Variants in VAC14 observed in about 807,000 individuals in gnomAD.
The protein encoded by VAC14 is protein VAC14 homolog.
VAC14 carries 47 observed loss-of-function variants against 85.3 expected under a neutral mutation model. The ratio of observed to expected loss-of-function variants is 0.55; its 90% CI spans 0.44 to 0.70. The LOEUF (loss-of-function observed/expected upper bound fraction) is 0.70. VAC14 is among the 30% of genes least tolerant of loss of function. The probability of loss-of-function intolerance (pLI) is 0.00; values close to 1 mark genes in which losing one functional copy is unlikely to be tolerated. For synonymous variants in VAC14, 447 were observed against 430.5 expected, an observed-to-expected ratio of 1.04 and a Z score of -0.47; for missense variants, 861 against 1,004.3, an observed-to-expected ratio of 0.86 and a Z score of 1.93.
chr16:70,714,685 C>T (rs924671069), intron 14 of VAC14: 13 of 152,270 alleles, frequency 8.5e-5, no homozygotes, highest in African/African-American at 2.9e-4. Context: ...GCAGGGATGT[C>T]TGCGGTGTCG....
chr16:70,706,328 GTC>G (rs926280245), intron 14 of VAC14, among the ~76,000 whole-genome samples: 12 of 152,332 alleles, frequency 7.9e-5, no homozygotes, highest in Admixed American at 7.8e-4. Context: ...GACTCCACCG[GTC>G]TCTCTGCAAG....
intron 1 of VAC14, among the ~76,000 whole-genome samples, chr16:70,787,613 G>T (rs923872705): frequency 2.0e-5 from 3 of 152,234 alleles, no homozygotes; most frequent in African/African-American, 7.2e-5. Flanking sequence ...TGTGGTGGCA[G>T]GAGTGCCCCA....
rs535975119 is a variant in VAC14 at position 70,690,247 on chromosome 16, C to T, written c.2187-2157G>A. 8.3e-5 allele frequency: 82 copies of T among 985,402 alleles called. No homozygotes were observed. The East Asian group carries it at 9.1e-4, about 11-fold the overall frequency. The allele number at this position is 985,402 out of a possible 1,614,324, so 61.0% of individuals were successfully genotyped here. On this transcript the variant is annotated intron_variant, in intron 18 of 18. Coordinates refer to ENST00000261776, the MANE Select transcript of VAC14 (RefSeq NM_018052.5). ...CTGGCCTGAGATCTTGGGAGCAGGG[C>T]GGGCTGTGTCACCGGGGGTGGGTGA...
At chr16:70,713,399 T>C (rs138757796) in intron 14 of VAC14, among the ~76,000 whole-genome samples, 46 of 152,368 alleles carry the variant, frequency 3.0e-4, no homozygotes, top group African/African-American at 1.1e-3. Context: ...ACCACCATTC[T>C]GGGTGCTGTT....
chr16:70,763,469 A>C (rs566738505), intron 10 of VAC14, among the ~76,000 whole-genome samples: 175 of 152,312 alleles, frequency 1.1e-3, no homozygotes, highest in Non-Finnish European at 2.0e-3. Flanking sequence ...CAAAACCACC[A>C]GGTCTGGACT....
chr16:70,743,903 C>G (rs2030607448), intron 13 of VAC14, among the ~76,000 whole-genome samples: 1 of 152,158 alleles, frequency 6.6e-6, no homozygotes, highest in African/African-American at 2.4e-5. Flanking sequence ...CTGGAAGGGA[C>G]CGAGGGGCGA....
At chr16:70,753,949 C>T (rs953826753) in intron 12 of VAC14, among the ~76,000 whole-genome samples, 5 of 152,156 alleles carry the variant, frequency 3.3e-5, no homozygotes, top group Middle Eastern at 3.2e-3. Flanking sequence ...GAGGCCCTGC[C>T]GCTGGGAGAG....
chr16:70,693,139 C>A (rs1468024111), intron 17 of VAC14, among the ~76,000 whole-genome samples, 168 bp from the exon 18 acceptor site: 3 of 152,220 alleles, frequency 2.0e-5, no homozygotes, highest in Admixed American at 6.5e-5. Flanking sequence ...TGGCTTCCAG[C>A]GAGTCAGGGG....
At chr16:70,761,180 TGCAGGACAGCTGCCCG>T in intron 12 of VAC14, 1 of 456,040 alleles carries the variant, frequency 2.2e-6, no homozygotes, top group South Asian at 1.6e-5. Flanking sequence ...AAATTCAGGC[TGCAGGACAGCTGCCCG>T]GGCCCCCCAC....
chr16:70,772,338 G>T, intron 9 of VAC14, 166 bp from the exon 10 acceptor site: 1 of 596,692 alleles, frequency 1.7e-6, no homozygotes, highest in Non-Finnish European at 3.0e-6. Flanking sequence ...CCAACGCCCA[G>T]TCATTCTCGA....
chr16:70,712,020 T>G (rs2054045290), intron 14 of VAC14, among the ~76,000 whole-genome samples: 1 of 152,006 alleles, frequency 6.6e-6, no homozygotes, highest in African/African-American at 2.4e-5. Flanking sequence ...GGGAGGGGGC[T>G]CCTTCAGTTA....
chr16:70,781,085 T>A, intron 8 of VAC14, 146 bp from the exon 9 acceptor site: 1 of 1,112,838 alleles, frequency 9.0e-7, no homozygotes, highest in Non-Finnish European at 1.3e-6. Context: ...AATGGCTTGG[T>A]GCCCTCCCCA....
At position 70,762,766 on chromosome 16, in the gene VAC14, C is replaced by T. The variant is rs1361160496; in HGVS notation, c.1305+115G>A. ...CTCGCAGCACCTGTCACTTCTCTGC[C>T]GGCCAGGGTTTCCCTAGAAGGGCAA... On this transcript the variant is annotated intron_variant, in intron 11 of 18. Transcript: ENST00000261776. This position sits in a 1 kb window ranked among gnomAD's most constrained non-coding sequence, Gnocchi z 4.1. 1.5e-5 allele frequency: 23 copies of T among 1,543,000 alleles called. No individual in the cohort carries two copies. Among genetic ancestry groups the T allele is most frequent in the East Asian group, 2.3e-5 (1 of 43,272 alleles).
intron 12 of VAC14, among the ~76,000 whole-genome samples, chr16:70,745,283 G>C (rs945376572): frequency 9.9e-5 from 15 of 152,174 alleles, no homozygotes; most frequent in Non-Finnish European, 2.1e-4. Flanking sequence ...TGCTGAGTGT[G>C]AGCGCAGGTC....
At chr16:70,789,342 T>TCCTGCCTTCTC (rs748065468) in intron 1 of VAC14, among the ~76,000 whole-genome samples, 8 of 152,338 alleles carry the variant, frequency 5.3e-5, no homozygotes, top group Middle Eastern at 3.4e-3. Flanking sequence ...CCCTCCTGCT[T>TCCTGCCTTCTC]CCTGCCTTCT....
chr16:70,718,140 T>C (rs1196888046), intron 14 of VAC14, among the ~76,000 whole-genome samples: 5 of 152,234 alleles, frequency 3.3e-5, no homozygotes, highest in Non-Finnish European at 5.9e-5. Flanking sequence ...AGTTATCTAC[T>C]AGTTGCTTCT....
chr16:70,691,547 C>T (rs994829979), intron 18 of VAC14: 2 of 985,368 alleles, frequency 2.0e-6, no homozygotes, highest in African/African-American at 1.7e-5. Context: ...TGACCCTGCT[C>T]CCCTGGGGAC....
Position 70,783,392 on chromosome 16 carries a change from G to A in VAC14, c.704+53C>T, listed in dbSNP as rs532465968. 7 of 1,568,542 alleles carry A rather than the reference G, an allele frequency of 4.5e-6. No individual in the cohort carries two copies. In the African/African-American group the frequency reaches 6.7e-5, roughly 15 times the overall value. ...CTCTCTGTGGGCATGAAGCACATGGGCACAGCTGGGGGTGGCAGGAGGCAG... is the reference window on the plus strand; with the variant it reads ...CTCTCTGTGGGCATGAAGCACATGGACACAGCTGGGGGTGGCAGGAGGCAG... On this transcript the variant is annotated intron_variant, in intron 6 of 18. Coordinates refer to ENST00000261776, the MANE Select transcript of VAC14 (RefSeq NM_018052.5).
chr16:70,703,330 G>A (rs139014734), intron 14 of VAC14, among the ~76,000 whole-genome samples: 18 of 151,866 alleles, frequency 1.2e-4, no homozygotes, highest in Non-Finnish European at 1.9e-4. Flanking sequence ...GAGAGCTGGG[G>A]TGGGAGGGAA....
Sources: allele counts gnomAD v4.1 joint callset (sites outside exome capture counted in the v4.1 genomes callset), GRCh38; gene constraint gnomAD v4.1.1; non-coding constraint Gnocchi (gnomAD v3.1); transcripts MANE v1.5; gene names NCBI Gene and HGNC (gene_info 2026-07-23, HGNC 2026-07-21).